The following BCL2L13 variants were observed in gnomAD, a reference collection of about 807,000 sequenced individuals.
BCL2L13 encodes bcl-2-like protein 13.
Under a neutral mutation model 25.8 loss-of-function variants are expected in BCL2L13, and 13 were observed. That is an observed-to-expected ratio of 0.50 (90% CI 0.33 to 0.80). BCL2L13 has a LOEUF of 0.80. Ranked by LOEUF, BCL2L13 falls within the 30% of genes least tolerant of loss-of-function variation. The pLI is 0.02. For synonymous variants in BCL2L13, 244 were observed against 230.3 expected (o/e 1.06, Z -0.54); for missense variants, 504 against 574.9 (o/e 0.88, Z 1.26).
chr22:17,657,823 C>CTTTT lies in BCL2L13; in HGVS notation c.121+2009_121+2012dup, dbSNP rs71201859. ...GAGCCACCACACCTGGTTGACATTT[C>CTTTT]TTTTTTTTTTTTTTTTTTTTTGAGA... On this transcript the variant is annotated intron_variant, in intron 2 of 6. Coordinates refer to ENST00000317582, the MANE Select transcript of BCL2L13 (RefSeq NM_015367.4). Among the ~76,000 whole-genome samples the CTTTT allele has an allele frequency of 7.0e-4, 60 of 85,750 alleles. 5 individuals are homozygous for CTTTT. Among genetic ancestry groups the CTTTT allele is most frequent in the Middle Eastern group, 0.011 (1 of 88 alleles). 56.3% of individuals were successfully genotyped at this position (85,750 alleles called of 152,430 possible).
intron 6 of BCL2L13, among the ~76,000 whole-genome samples, chr22:17,722,129 A>G (rs1187179734): frequency 6.6e-6 from 1 of 152,216 alleles, no homozygotes; most frequent in Non-Finnish European, 1.5e-5. Context: ...AGTAAATAGG[A>G]TCATACCATC....
rs2059907037 is a variant in BCL2L13, at chr22:17,685,717, A to G, written c.229+2396A>G. Among the ~76,000 whole-genome samples the G allele has an allele frequency of 4.3e-5, 6 of 138,880 alleles. No individual in the cohort carries two copies. The Admixed American group carries it at 4.5e-4, about 10-fold the overall frequency. The allele number at this position is 138,880 out of a possible 152,430, so 91.1% of individuals were successfully genotyped here. On this transcript the variant is annotated intron_variant, in intron 3 of 6. Coordinates refer to ENST00000317582, the MANE Select transcript of BCL2L13 (RefSeq NM_015367.4). ...ATGCTGCTGTGAATATTCTTGTGCA[A>G]GTTTTTGTGTGGACATATATTGCCC...
rs2145853444 is a variant in BCL2L13, at chr22:17,728,327, TAC to T, written c.*797_*798del. On this transcript the variant is annotated 3_prime_UTR_variant, in exon 7 of 7. Coordinates refer to ENST00000317582, the MANE Select transcript of BCL2L13 (RefSeq NM_015367.4). ...TGCCTTTGGGAATCTTCGAAATATG[TAC>T]ACAGAGAAAATCACATGAAGGAGAC... 1 of 152,352 alleles carries T rather than the reference TAC, an allele frequency of 6.6e-6. No individual in the cohort carries two copies. The highest frequency in any genetic ancestry group is 6.5e-5 in the Admixed American group (1 of 15,302). 9.4% of individuals were successfully genotyped at this position (152,352 alleles called of 1,614,324 possible).
At chr22:17,702,894 T>C (rs1258504921) in intron 6 of BCL2L13, 2 of 152,204 alleles carry the variant, frequency 1.3e-5, no homozygotes, top group Non-Finnish European at 2.9e-5. Flanking sequence ...GGTGCACATC[T>C]GTAATCCCAG....
intron 1 of BCL2L13, among the ~76,000 whole-genome samples, chr22:17,643,327 C>T (rs1404400226): frequency 6.6e-6 from 1 of 151,616 alleles, no homozygotes; most frequent in East Asian, 2.0e-4. Flanking sequence ...GAGGTCTTCA[C>T]TCCCGACCTC....
chr22:17,638,616 G>A (rs1268893203), upstream of BCL2L13: 3 of 1,167,210 alleles, frequency 2.6e-6, no homozygotes, highest in African/African-American at 3.2e-5. Context: ...GGAGGGTTTG[G>A]GTCTTCAGGT....
At chr22:17,652,831 G>A (rs879605164) in intron 1 of BCL2L13, among the ~76,000 whole-genome samples, 1 of 152,154 alleles carries the variant, frequency 6.6e-6, no homozygotes, top group Non-Finnish European at 1.5e-5. Context: ...TTGGGAGGCC[G>A]AGGTGGGTGA....
intron 2 of BCL2L13, among the ~76,000 whole-genome samples, chr22:17,672,726 G>C (rs552246571): frequency 1.3e-5 from 2 of 152,328 alleles, no homozygotes; most frequent in African/African-American, 4.8e-5. Context: ...AACTTGTCAT[G>C]TGTAATCAGC....
intron 6 of BCL2L13, among the ~76,000 whole-genome samples, chr22:17,720,182 C>CTTTCTTTCTTTCTTTCTTT (rs372538984): frequency 1.3e-5 from 2 of 151,098 alleles, no homozygotes; most frequent in African/African-American, 2.4e-5. Flanking sequence ...TTCTTTCTTT[C>CTTTCTTTCTTTCTTTCTTT]GTTAGAGACA....
Position 17,730,745 on chromosome 22 carries a change from T to TA in BCL2L13, c.*3212dup, listed in dbSNP as rs2061384155. 1 of 152,108 alleles carries TA rather than the reference T, an allele frequency of 6.6e-6. No homozygotes were observed. The highest frequency in any genetic ancestry group is 1.5e-5 in the Non-Finnish European group (1 of 68,022). 9.4% of individuals were successfully genotyped at this position (152,108 alleles called of 1,614,324 possible). Reference sequence around the variant, plus strand: ...TATCTGATTGCTAACAGACACGACCTAGAGCTTCTGCCCAAATTCCCACAC... The same window carrying TA: ...TATCTGATTGCTAACAGACACGACCTAAGAGCTTCTGCCCAAATTCCCACAC... On this transcript the variant is annotated 3_prime_UTR_variant, in exon 7 of 7. Coordinates refer to ENST00000317582, the MANE Select transcript of BCL2L13 (RefSeq NM_015367.4).
chr22:17,640,304 C>T (rs5747304), intron 1 of BCL2L13, among the ~76,000 whole-genome samples: 6 of 152,060 alleles, frequency 3.9e-5, no homozygotes, highest in Non-Finnish European at 7.4e-5. Flanking sequence ...AGGTACTGTT[C>T]TGTATTTTTT....
chr22:17,639,848 C>G (rs951792711), intron 1 of BCL2L13, among the ~76,000 whole-genome samples: 1 of 148,348 alleles, frequency 6.7e-6, no homozygotes, highest in Admixed American at 6.8e-5. Flanking sequence ...CCTTCAGATA[C>G]CTTCTTTCTT....
intron 1 of BCL2L13, among the ~76,000 whole-genome samples, chr22:17,639,621 GTGTT>G (rs1265418049): frequency 1.3e-5 from 2 of 152,162 alleles, no homozygotes; most frequent in African/African-American, 2.4e-5. Context: ...CCCTGCACAA[GTGTT>G]TGTTTATTCA....
chr22:17,696,061 G>A, intron 4 of BCL2L13, 80 bp from the exon 5 acceptor site: 2 of 1,006,808 alleles, frequency 2.0e-6, no homozygotes, highest in Non-Finnish European at 3.1e-6. Context: ...GTTCAACAGA[G>A]TAGTGACTGT....
intron 6 of BCL2L13, among the ~76,000 whole-genome samples, chr22:17,722,860 T>G (rs2061185673): frequency 6.6e-6 from 1 of 152,230 alleles, no homozygotes; most frequent in African/African-American, 2.4e-5. Flanking sequence ...ATCTTTAATT[T>G]CTTTCAATAA....
At chr22:17,656,704 A>C (rs1411475828) in intron 2 of BCL2L13, among the ~76,000 whole-genome samples, 1 of 152,040 alleles carries the variant, frequency 6.6e-6, no homozygotes, top group Non-Finnish European at 1.5e-5. Context: ...ATTGGCAGTT[A>C]CATTTTTTCG....
At position 17,726,902 on chromosome 22, in the gene BCL2L13, T is replaced by C. The variant is rs140274370; in HGVS notation, c.826T>C (p.Trp276Arg). ...SLPVSLGPES[W>R]QQIAMDPEEV... The stretch of plus-strand genomic sequence containing the variant: ...GCCAGTGTCACTAGGCCCTGAGTCC[T>C]GGCAGCAGATTGCAATGGATCCTGA... Residue 276 changes from tryptophan (W) to arginine (R), a missense_variant, in exon 7 of 7, where the codon TGG becomes CGG. Coordinates refer to ENST00000317582, the MANE Select transcript of BCL2L13 (RefSeq NM_015367.4). The C allele has an allele frequency of 6.2e-7, 1 of 1,614,106 alleles. No individual in the cohort carries two copies. Among genetic ancestry groups the C allele is most frequent in the African/African-American group, 1.3e-5 (1 of 74,940 alleles).
chr22:17,716,212 G>C (rs910482816), intron 6 of BCL2L13, among the ~76,000 whole-genome samples: 4 of 152,212 alleles, frequency 2.6e-5, no homozygotes, highest in Admixed American at 2.0e-4. Flanking sequence ...TGGAACTTAA[G>C]CCAGACCCTG....
chr22:17,714,294 A>G (rs2060850494), intron 6 of BCL2L13, among the ~76,000 whole-genome samples: 1 of 150,274 alleles, frequency 6.7e-6, no homozygotes, highest in Non-Finnish European at 1.5e-5. Context: ...CTCCGTCTCA[A>G]AAAAAAAATT....
Sources: gnomAD v4.1 joint callset for allele counts (sites outside exome capture counted in the v4.1 genomes callset) on GRCh38, gnomAD v4.1.1 for gene constraint, MANE v1.5 for transcripts, NCBI Gene and HGNC (gene_info 2026-07-23, HGNC 2026-07-21) for gene names.